Variants in ADCK1 observed in about 807,000 individuals in gnomAD.
ADCK1 encodes the protein aarF domain-containing protein kinase 1.
ADCK1 carries 41 observed loss-of-function variants against 52.3 expected under a neutral mutation model. That is an observed-to-expected ratio of 0.78 (90% CI 0.61 to 1.02). The LOEUF is 1.02. Ranked by LOEUF, ADCK1 falls within the 50% of genes least tolerant of loss-of-function variation. The pLI, the probability that ADCK1 is intolerant of heterozygous loss-of-function variation, is 0.00. For missense variants in ADCK1, 658 were observed against 679.5 expected, an observed-to-expected ratio of 0.97 and a Z score of 0.35; for synonymous variants, 250 against 274.6, an observed-to-expected ratio of 0.91 and a Z score of 0.89.
At chr14:77,863,195 A>G (rs2082588781) in intron 4 of ADCK1, among the ~76,000 whole-genome samples, 1 of 152,076 alleles carries the variant, frequency 6.6e-6, no homozygotes, top group South Asian at 2.1e-4. Flanking sequence ...GGACTTGGGG[A>G]GGGACCTGAT....
intron 4 of ADCK1, among the ~76,000 whole-genome samples, chr14:77,876,057 A>G (rs2082892454): frequency 1.3e-5 from 2 of 152,342 alleles, no homozygotes; most frequent in South Asian, 2.1e-4. Flanking sequence ...AAGGGCCTGC[A>G]TGAGGCTCCT....
At chr14:77,808,848 T>G (rs2081281459) in intron 1 of ADCK1, among the ~76,000 whole-genome samples, 1 of 152,224 alleles carries the variant, frequency 6.6e-6, no homozygotes, top group Admixed American at 6.5e-5. Context: ...AGTGTTGGGA[T>G]TACAGGCGTG....
intron 4 of ADCK1, among the ~76,000 whole-genome samples, chr14:77,877,965 G>A (rs906088483): frequency 1.5e-4 from 21 of 143,636 alleles, no homozygotes; most frequent in African/African-American, 5.2e-4. Context: ...GATCTCTGCT[G>A]TTTGTCATCT....
At chr14:77,909,357 A>G (rs1009698738) in intron 7 of ADCK1, among the ~76,000 whole-genome samples, 5 of 150,392 alleles carry the variant, frequency 3.3e-5, no homozygotes, top group African/African-American at 1.2e-4. Context: ...CTGGTCTTGA[A>G]CTCCTGACCT....
intron 4 of ADCK1, among the ~76,000 whole-genome samples, chr14:77,882,257 A>AG (rs965436047): frequency 5.6e-4 from 85 of 151,884 alleles, no homozygotes; most frequent in African/African-American, 2.0e-3. Flanking sequence ...AGCCAGGTGT[A>AG]GGGGGGGCCA....
At position 77,830,303 on chromosome 14, in the gene ADCK1, G is replaced by A. The variant is rs147702822; in HGVS notation, c.219+7785G>A. Among the ~76,000 whole-genome samples the A allele has an allele frequency of 4.6e-5, 7 of 151,188 alleles. 1 individual carries two copies. The highest frequency in any genetic ancestry group is 1.2e-4 in the African/African-American group (5 of 41,454). On this transcript the variant is annotated intron_variant, in intron 3 of 10. Coordinates refer to ENST00000238561, the MANE Select transcript of ADCK1 (RefSeq NM_020421.4). ...CGAGTAGCTAGGACTACAGGCATGC[G>A]CCACCACACCCAAGTAATTTTTGTA...
chr14:77,809,895 G>A (rs59825679), intron 1 of ADCK1, among the ~76,000 whole-genome samples: 9 of 150,826 alleles, frequency 6.0e-5, no homozygotes, highest in Admixed American at 2.6e-4. Flanking sequence ...AAATTTAGCC[G>A]GGCGTGGTGG....
chr14:77,883,355 T>C (rs1279481372), intron 4 of ADCK1, among the ~76,000 whole-genome samples: 2 of 137,216 alleles, frequency 1.5e-5, no homozygotes, highest in East Asian at 4.6e-4. Context: ...CTGAAAGGGC[T>C]GGGGGACGAG....
At chr14:77,882,468 A>G (rs1338779363) in intron 4 of ADCK1, among the ~76,000 whole-genome samples, 1 of 152,224 alleles carries the variant, frequency 6.6e-6, no homozygotes, top group Admixed American at 6.5e-5. Flanking sequence ...TGATACGGTG[A>G]TGTAGTTTCT....
chr14:77,888,954 G>C (rs571235923), intron 5 of ADCK1, among the ~76,000 whole-genome samples: 15 of 152,272 alleles, frequency 9.9e-5, no homozygotes, highest in African/African-American at 3.4e-4. Context: ...CATGTTGTGG[G>C]GGGGGACCTG....
chr14:77,895,128 T>C (rs2083382025), intron 5 of ADCK1, among the ~76,000 whole-genome samples: 1 of 152,226 alleles, frequency 6.6e-6, no homozygotes, highest in Admixed American at 6.5e-5. Flanking sequence ...TGATTGATTT[T>C]TCCTCCTGCA....
chr14:77,931,577 C>A lies in ADCK1; in HGVS notation c.1266C>A (p.Asn422Lys). Residue 422 changes from asparagine to lysine, a missense_variant, in exon 10 of 11, where the codon AAC becomes AAA. By Grantham distance (94) the Asn-to-Lys change is moderately conservative. Coordinates refer to ENST00000238561, the MANE Select transcript of ADCK1 (RefSeq NM_020421.4). ...NYLPQISHLL[N>K]HVPRQMLLIL... is the part of the protein sequence containing the mutation. ...TCCCCCAGATCAGCCATCTCCTCAA[C>A]CACGTGCCGCGCCAGATGCTGCTCA... 4 of 1,614,060 alleles carry A rather than the reference C, an allele frequency of 2.5e-6. No individual in the cohort carries two copies. The highest frequency in any genetic ancestry group is 2.5e-6 in the Non-Finnish European group (3 of 1,180,044).
intron 7 of ADCK1, among the ~76,000 whole-genome samples, chr14:77,912,532 T>A (rs1462185663): frequency 6.6e-6 from 1 of 151,078 alleles, no homozygotes; most frequent in Non-Finnish European, 1.5e-5. Context: ...GGTTCTAAAG[T>A]CTCCTTAGGA....
intron 3 of ADCK1, among the ~76,000 whole-genome samples, chr14:77,826,988 G>A (rs991579003): frequency 1.3e-5 from 2 of 152,144 alleles, no homozygotes; most frequent in African/African-American, 4.8e-5. Context: ...ATGTTGGCTT[G>A]GAGCTGTTGG....
intron 5 of ADCK1, among the ~76,000 whole-genome samples, chr14:77,897,363 A>G (rs2083433422): frequency 6.6e-6 from 1 of 152,118 alleles, no homozygotes; most frequent in Non-Finnish European, 1.5e-5. Context: ...TTGCTCACCC[A>G]CTACAGAGCC....
chr14:77,921,326 C>CAAAAAAAAAAAAAAAAAAAAA (rs756056466), intron 7 of ADCK1, among the ~76,000 whole-genome samples: 52 of 41,200 alleles, frequency 1.3e-3, no homozygotes, highest in South Asian at 2.4e-3. Context: ...GACTCTGTCT[C>CAAAAAAAAAAAAAAAAAAAAA]AAAAAAAAAA....
At chr14:77,882,594 C>T (rs573811348) in intron 4 of ADCK1, among the ~76,000 whole-genome samples, 1 of 152,236 alleles carries the variant, frequency 6.6e-6, no homozygotes, top group Non-Finnish European at 1.5e-5. Flanking sequence ...GGAGCCCCTT[C>T]CCTGAGGGCC....
At chr14:77,892,547 C>T (rs941555628) in intron 5 of ADCK1, among the ~76,000 whole-genome samples, 5 of 151,968 alleles carry the variant, frequency 3.3e-5, no homozygotes, top group African/African-American at 1.2e-4. Flanking sequence ...CTTCCTGGCT[C>T]GCCCTCCTGA....
At chr14:77,883,242 A>C (rs952173696) in intron 4 of ADCK1, among the ~76,000 whole-genome samples, 4 of 152,028 alleles carry the variant, frequency 2.6e-5, no homozygotes, top group Admixed American at 2.0e-4. Flanking sequence ...AGAAAGCCTT[A>C]GAAAAGGAGG....
Sources: allele counts gnomAD v4.1 joint callset (sites outside exome capture counted in the v4.1 genomes callset), GRCh38; gene constraint gnomAD v4.1.1; transcripts MANE v1.5; gene names NCBI Gene and HGNC (gene_info 2026-07-23, HGNC 2026-07-21).